The following LAMB4 variants were observed in gnomAD, a reference collection of about 807,000 sequenced individuals.
LAMB4 encodes laminin subunit beta 4.
LAMB4 carries 196 observed loss-of-function variants against 199.2 expected under a neutral mutation model. The observed-to-expected ratio is 0.98, with a 90% CI of 0.88 to 1.11. The LOEUF (loss-of-function observed/expected upper bound fraction) is 1.11. LAMB4 is among the 50% of genes least tolerant of loss of function. The probability of loss-of-function intolerance (pLI) is 0.00; values close to 1 mark genes in which losing one functional copy is unlikely to be tolerated. For synonymous variants in LAMB4, 744 were observed against 770.6 expected, an observed-to-expected ratio of 0.97 and a Z score of 0.57; for missense variants, 2,080 against 2,171.2, an observed-to-expected ratio of 0.96 and a Z score of 0.83.
intron 31 of LAMB4, among the ~76,000 whole-genome samples, chr7:108,033,024 T>A (rs1043870295): frequency 6.6e-6 from 1 of 152,228 alleles, no homozygotes; most frequent in Non-Finnish European, 1.5e-5. Context: ...CTAATATTTT[T>A]ATGTGTTTTT....
intron 14 of LAMB4, among the ~76,000 whole-genome samples, chr7:108,081,068 G>A (rs552939654): frequency 1.3e-5 from 2 of 152,314 alleles, no homozygotes; most frequent in East Asian, 3.9e-4. Context: ...GTTGCAGTGA[G>A]TCGAGATCGC....
chr7:108,049,446 G>C lies in LAMB4; in HGVS notation c.4002C>G (p.Thr1334=). 1.3e-6 allele frequency: 2 copies of C among 1,587,650 alleles called. No individual in the cohort carries two copies. The highest frequency in any genetic ancestry group is 2.2e-5 in the South Asian group (2 of 90,520). The change falls in exon 27 of 34, where the codon ACC becomes ACG. Residue 1334 remains threonine (T), a synonymous_variant. Transcript: ENST00000388781. The part of the protein sequence containing the change: ...KINETSSTIN[T]SANTRNDLLT... Reference sequence around the variant, plus strand: ...GTAAGTCATTCCTTGTATTTGCAGAGGTATTAATGGTGGAACTAGTTTCAT... The same window carrying C: ...GTAAGTCATTCCTTGTATTTGCAGACGTATTAATGGTGGAACTAGTTTCAT...
chr7:108,097,723 T>C (rs545373183), intron 11 of LAMB4, among the ~76,000 whole-genome samples: 1 of 151,972 alleles, frequency 6.6e-6, no homozygotes, highest in East Asian at 1.9e-4. Context: ...CACAAATAAA[T>C]AAATAAATAA....
At chr7:108,090,919 C>T (rs1003706466) in intron 14 of LAMB4, among the ~76,000 whole-genome samples, 1 of 152,050 alleles carries the variant, frequency 6.6e-6, no homozygotes, top group Non-Finnish European at 1.5e-5. Context: ...TTCCAAGCCT[C>T]CTAAGGGGCA....
At chr7:108,120,153 T>C (rs1046662515) in intron 2 of LAMB4, among the ~76,000 whole-genome samples, 3 of 152,194 alleles carry the variant, frequency 2.0e-5, no homozygotes, top group African/African-American at 4.8e-5. Context: ...AACCATACAG[T>C]GAAATCAGCT....
In LAMB4 at chr7:108,063,964, G is replaced by A. The variant is rs752569124; in HGVS notation, c.2858C>T (p.Ser953Phe). The A allele has an allele frequency of 9.9e-6, 16 of 1,613,888 alleles. No individual in the cohort carries two copies. The highest frequency in any genetic ancestry group is 4.0e-5 in the African/African-American group (3 of 74,918). ...TCTTGGATTTCCATAGAAACCAGTA[G>A]AGCATTCTCCACACTGAGTACCTGA... ...GYTGTQCGECSTGFYGNPRIS... is the reference protein window; with the variant it reads ...GYTGTQCGECFTGFYGNPRIS... The change falls in exon 22 of 34, where the codon TCT becomes TTT. Residue 953 changes from serine (S) to phenylalanine (F), a missense_variant. Physicochemically the swap from Ser to Phe is radical, Grantham distance 155 (BLOSUM62 -2). Transcript: ENST00000388781.
downstream of LAMB4, among the ~76,000 whole-genome samples, chr7:108,020,370 G>A (rs979754542): frequency 1.3e-5 from 2 of 150,616 alleles, no homozygotes; most frequent in African/African-American, 4.9e-5. Flanking sequence ...ACTCGGGAGG[G>A]TAAGCCAGGA....
intron 3 of LAMB4, among the ~76,000 whole-genome samples, chr7:108,112,214 C>A (rs2038252713): frequency 6.6e-6 from 1 of 151,938 alleles, no homozygotes. Context: ...GGCAGAGGAT[C>A]TGGAAGTTAT....
intron 3 of LAMB4, among the ~76,000 whole-genome samples, chr7:108,112,332 G>C (rs1444465302): frequency 7.3e-6 from 1 of 137,886 alleles, no homozygotes; most frequent in Non-Finnish European, 1.6e-5. Context: ...TTTTTTTTTT[G>C]AGACAGAGTC....
At position 108,085,359 on chromosome 7, in the gene LAMB4, GTTC is replaced by G. The variant is rs1397201655; in HGVS notation, c.1702-5576_1702-5574del. Among the ~76,000 whole-genome samples, 15 of 152,264 alleles carry G rather than the reference GTTC, an allele frequency of 9.9e-5. No individual in the cohort carries two copies. In the East Asian group the frequency reaches 2.9e-3, roughly 29 times the overall value. ...AGTGATTCCATGTGTGAGTTGAAAT[GTTC>G]TTATGTTTGCAGTTAAAACTGGCAC... On this transcript the variant is annotated intron_variant, in intron 14 of 33. Coordinates refer to ENST00000388781, the MANE Select transcript of LAMB4 (RefSeq NM_007356.3).
At chr7:108,125,101 C>T (rs1233475531) in intron 1 of LAMB4, among the ~76,000 whole-genome samples, 1 of 152,212 alleles carries the variant, frequency 6.6e-6, no homozygotes, top group Non-Finnish European at 1.5e-5. Flanking sequence ...AGAATGAGCT[C>T]TACCTGTTGG....
At chr7:108,099,879 T>C (rs1382360641) in intron 10 of LAMB4, among the ~76,000 whole-genome samples, 1 of 152,210 alleles carries the variant, frequency 6.6e-6, no homozygotes, top group Non-Finnish European at 1.5e-5. Context: ...CAATGATTTG[T>C]TACTTGTTAT....
At chr7:108,110,180 C>T (rs1322539381) in intron 4 of LAMB4, among the ~76,000 whole-genome samples, 1 of 152,106 alleles carries the variant, frequency 6.6e-6, no homozygotes, top group Non-Finnish European at 1.5e-5. Context: ...ATGCTTGCTC[C>T]ACCATGCCTG....
intron 6 of LAMB4, among the ~76,000 whole-genome samples, chr7:108,107,412 C>G (rs76185317): frequency 6.6e-6 from 1 of 152,110 alleles, no homozygotes; most frequent in Admixed American, 6.5e-5. Flanking sequence ...AAGTGTTATC[C>G]CATGCCCACC....
chr7:108,062,739 C>T (rs2036206357), intron 23 of LAMB4, 35 bp downstream of exon 23: 1 of 1,233,872 alleles, frequency 8.1e-7, no homozygotes, highest in Non-Finnish European at 1.1e-6. Context: ...ATCATGCTCA[C>T]TTTGAGTGCA....
chr7:108,042,552 C>T (rs2035455048), intron 29 of LAMB4, among the ~76,000 whole-genome samples: 1 of 152,062 alleles, frequency 6.6e-6, no homozygotes, highest in African/African-American at 2.4e-5. Context: ...CAGATTCATC[C>T]AGCTTACTCA....
intron 11 of LAMB4, 132 bp downstream of exon 11, chr7:108,098,271 T>C: frequency 7.5e-6 from 3 of 401,022 alleles, no homozygotes; most frequent in Non-Finnish European, 1.2e-5. Flanking sequence ...AGGTGGAGGT[T>C]GGAGTGAGCC....
chr7:108,074,131 A>G (rs1197401521), intron 17 of LAMB4, among the ~76,000 whole-genome samples: 1 of 151,808 alleles, frequency 6.6e-6, no homozygotes, highest in East Asian at 1.9e-4. Flanking sequence ...GTCCTCCCCT[A>G]TTTTCCTCAC....
intron 2 of LAMB4, among the ~76,000 whole-genome samples, chr7:108,121,394 A>C (rs1190497783): frequency 6.6e-6 from 1 of 152,170 alleles, no homozygotes; most frequent in African/African-American, 2.4e-5. Flanking sequence ...TTCACATCAG[A>C]GCTTTAGAGG....
Sources: gnomAD v4.1 joint callset for allele counts (sites outside exome capture counted in the v4.1 genomes callset) on GRCh38, gnomAD v4.1.1 for gene constraint, MANE v1.5 for transcripts, NCBI Gene and HGNC (gene_info 2026-07-23, HGNC 2026-07-21) for gene names.